Variants in GALNT13 observed in about 807,000 individuals in gnomAD.
GALNT13 encodes polypeptide N-acetylgalactosaminyltransferase 13.
In GALNT13, 28 loss-of-function variants were observed where a neutral mutation model predicts 64.2. The observed-to-expected ratio is 0.44, with a 90% CI of 0.32 to 0.60. The LOEUF (loss-of-function observed/expected upper bound fraction) is 0.60. GALNT13 is among the 20% of genes least tolerant of loss of function. The probability of loss-of-function intolerance (pLI) is 0.05; values close to 1 mark genes in which losing one functional copy is unlikely to be tolerated. For synonymous variants in GALNT13, 214 were observed against 224.6 expected, an observed-to-expected ratio of 0.95 and a Z score of 0.42; for missense variants, 577 against 669.8, an observed-to-expected ratio of 0.86 and a Z score of 1.53.
the GALNT13 span, among the ~76,000 whole-genome samples, chr2:153,608,739 A>G: frequency 6.8e-6 from 1 of 147,794 alleles, no homozygotes; most frequent in Non-Finnish European, 1.5e-5. Context: ...TAACTTATAT[A>G]AATATGTTTT....
the GALNT13 span, among the ~76,000 whole-genome samples, chr2:153,473,069 G>T: frequency 6.6e-6 from 1 of 152,036 alleles, no homozygotes; most frequent in East Asian, 1.9e-4. Context: ...AGCATTAGGA[G>T]AAATACCTAA....
intron 3 of GALNT13, among the ~76,000 whole-genome samples, chr2:154,072,598 A>G (rs1422145000): frequency 1.3e-5 from 2 of 152,012 alleles, no homozygotes; most frequent in African/African-American, 2.4e-5. Flanking sequence ...TGTCTCCTTT[A>G]CAGTGTGTCA....
intron 4 of GALNT13, among the ~76,000 whole-genome samples, chr2:154,168,570 C>A (rs1488296772): frequency 6.6e-6 from 1 of 151,488 alleles, no homozygotes; most frequent in Non-Finnish European, 1.5e-5. Flanking sequence ...TGTAGTGGCT[C>A]ACACCTGTAA....
At chr2:153,722,004 A>AT in the GALNT13 span, among the ~76,000 whole-genome samples, 4 of 148,464 alleles carry the variant, frequency 2.7e-5, no homozygotes, top group Admixed American at 6.7e-5. Context: ...CAGAATATAC[A>AT]TTTTTTTCAG....
chr2:154,440,439 A>C (rs2105476265), intron 12 of GALNT13, among the ~76,000 whole-genome samples: 1 of 151,202 alleles, frequency 6.6e-6, no homozygotes, highest in East Asian at 1.9e-4. Context: ...ATACTAAGGA[A>C]TTTTAAGTAA....
the GALNT13 span, among the ~76,000 whole-genome samples, chr2:153,352,979 T>C: frequency 6.6e-6 from 1 of 152,114 alleles, no homozygotes; most frequent in Non-Finnish European, 1.5e-5. Flanking sequence ...AGTTTGTTGA[T>C]ATCCACAAAA....
chr2:153,576,031 G>T, the GALNT13 span, among the ~76,000 whole-genome samples: 1 of 152,100 alleles, frequency 6.6e-6, no homozygotes, highest in African/African-American at 2.4e-5. Context: ...CACAGGGTGT[G>T]TCTAGGAATG....
chr2:153,477,245 G>C, the GALNT13 span: 1 of 152,542 alleles, frequency 6.6e-6, no homozygotes, highest in Admixed American at 6.5e-5. Flanking sequence ...AGCTCTCCAG[G>C]GTTAATTGCC....
intron 3 of GALNT13, among the ~76,000 whole-genome samples, chr2:154,109,252 C>T (rs1455944808): frequency 6.6e-6 from 1 of 151,950 alleles, no homozygotes; most frequent in African/African-American, 2.4e-5. Context: ...TTTTTCCTCT[C>T]CTTAATTATT....
the GALNT13 span, among the ~76,000 whole-genome samples, chr2:153,772,456 T>G: frequency 6.6e-6 from 1 of 152,138 alleles, no homozygotes; most frequent in Non-Finnish European, 1.5e-5. Context: ...GTACTGGTGC[T>G]TCTCTCACTT....
chr2:154,443,465 A>G (rs181378096), intron 12 of GALNT13, among the ~76,000 whole-genome samples: 73 of 152,186 alleles, frequency 4.8e-4, no homozygotes, highest in Admixed American at 1.8e-3. Context: ...GTACAAATTT[A>G]TACTTATTTT....
At chr2:153,682,630 G>A in the GALNT13 span, among the ~76,000 whole-genome samples, 10 of 151,790 alleles carry the variant, frequency 6.6e-5, no homozygotes, top group African/African-American at 2.2e-4. Flanking sequence ...GAGCACAAGC[G>A]ACTTTGTCAT....
the GALNT13 span, among the ~76,000 whole-genome samples, chr2:153,093,795 G>A: frequency 6.6e-6 from 1 of 152,230 alleles, no homozygotes; most frequent in South Asian, 2.1e-4. Context: ...CAGTAGTGAA[G>A]CATCAGGTCC....
the GALNT13 span, among the ~76,000 whole-genome samples, chr2:153,732,748 C>A: frequency 6.6e-6 from 1 of 151,912 alleles, no homozygotes; most frequent in Non-Finnish European, 1.5e-5. Context: ...ATGAACTAAC[C>A]CAACTCTGAT....
chr2:154,273,319 A>T (rs144459070), intron 8 of GALNT13, among the ~76,000 whole-genome samples: 25 of 152,230 alleles, frequency 1.6e-4, no homozygotes, highest in Middle Eastern at 3.4e-3. Flanking sequence ...GCAGGGGGGA[A>T]CATTCAGCAT....
At chr2:153,959,207 G>T (rs1692776258) in intron 3 of GALNT13, among the ~76,000 whole-genome samples, 1 of 152,172 alleles carries the variant, frequency 6.6e-6, no homozygotes, top group Non-Finnish European at 1.5e-5. Flanking sequence ...TACTAATGCT[G>T]AAAACCCAGA....
At chr2:153,718,038 C>G in the GALNT13 span, among the ~76,000 whole-genome samples, 1 of 151,920 alleles carries the variant, frequency 6.6e-6, no homozygotes, top group Non-Finnish European at 1.5e-5. Flanking sequence ...TTTGAAAATT[C>G]TGAGAATATG....
At chr2:153,822,814 G>A in the GALNT13 span, among the ~76,000 whole-genome samples, 1 of 152,124 alleles carries the variant, frequency 6.6e-6, no homozygotes, top group African/African-American at 2.4e-5. Flanking sequence ...CACCCAAATA[G>A]GGAAACAAGA....
chr2:154,266,880 C>T (rs1039701873), intron 8 of GALNT13, among the ~76,000 whole-genome samples: 1 of 151,502 alleles, frequency 6.6e-6, no homozygotes, highest in Non-Finnish European at 1.5e-5. Context: ...TATAGATATA[C>T]AAGGGATGTA....
Sources: gnomAD v4.1 joint callset for allele counts (sites outside exome capture counted in the v4.1 genomes callset) on GRCh38, gnomAD v4.1.1 for gene constraint, MANE v1.5 for transcripts, NCBI Gene and HGNC (gene_info 2026-07-23, HGNC 2026-07-21) for gene names.